Variants in TOM1 observed in about 807,000 individuals in gnomAD.
TOM1 encodes target of Myb protein 1.
Under a neutral mutation model 61.3 loss-of-function variants are expected in TOM1, and 38 were observed. The ratio of observed to expected loss-of-function variants is 0.62; its 90% CI spans 0.48 to 0.81. The LOEUF is 0.81. Ranked by LOEUF, TOM1 falls within the 40% of genes least tolerant of loss-of-function variation. The pLI is 0.00. For missense variants in TOM1, 591 were observed against 659.6 expected (o/e 0.90, Z 1.14); for synonymous variants, 270 against 268.8 (o/e 1.00, Z -0.04).
chr22:35,337,012 T>C (rs922721184), intron 11 of TOM1, among the ~76,000 whole-genome samples: 4 of 148,590 alleles, frequency 2.7e-5, no homozygotes, highest in African/African-American at 1.0e-4. Context: ...GCTTGCAGAG[T>C]GCAAGCTCCA....
upstream of TOM1, chr22:35,299,302 G>A (rs1925503666): frequency 6.6e-6 from 1 of 152,298 alleles, no homozygotes; most frequent in Non-Finnish European, 1.5e-5. Flanking sequence ...GCGCTAGAGG[G>A]AATTGCGCTG....
At chr22:35,344,851 T>G (rs901864075) in intron 12 of TOM1, 1 of 152,336 alleles carries the variant, frequency 6.6e-6, no homozygotes, top group African/African-American at 2.4e-5. Context: ...ACATCCCATT[T>G]CATCCTCACA....
intron 9 of TOM1, 49 bp from the exon 10 acceptor site, chr22:35,333,355 A>G: frequency 6.4e-7 from 1 of 1,557,970 alleles, no homozygotes; most frequent in Admixed American, 1.7e-5. Flanking sequence ...GCAGAAAGGA[A>G]CGAAGCTGCA....
Position 35,347,487 on chromosome 22 carries a change from A to AGAGG in TOM1, c.*278_*279insGAGG. ...TTTGCTGAGAAGTGGAGGCCCCAGG[A>AGAGG]CAGGCTGGCTGGCTGGCTGGCTGCT... On this transcript the variant is annotated 3_prime_UTR_variant, in exon 15 of 15. Coordinates refer to ENST00000449058, the MANE Select transcript of TOM1 (RefSeq NM_005488.3). 2.9e-6 allele frequency: 1 copy of AGAGG among 340,938 alleles called. No individual in the cohort carries two copies. Among genetic ancestry groups the AGAGG allele is most frequent in the Non-Finnish European group, 5.3e-6 (1 of 187,870 alleles). The allele number at this position is 340,938 out of a possible 1,614,324, so 21.1% of individuals were successfully genotyped here.
rs115762946 is a variant in TOM1 at position 35,340,116 on chromosome 22, T to A, written c.1224+1328T>A. 4.0e-3 allele frequency among the ~76,000 whole-genome samples: 612 copies of A among 152,260 alleles called. 4 individuals are homozygous for A. Among genetic ancestry groups the A allele is most frequent in the African/African-American group, 0.014 (579 of 41,548 alleles). ...GTATCTGGATGCTTTTCAGGCAGTGTGAGAATTTCTGCTCCAGCAAGTGAG... is the reference window on the plus strand; with the variant it reads ...GTATCTGGATGCTTTTCAGGCAGTGAGAGAATTTCTGCTCCAGCAAGTGAG... On this transcript the variant is annotated intron_variant, in intron 12 of 14. Transcript: ENST00000449058.
At chr22:35,316,895 C>A (rs1281549275) in intron 1 of TOM1, among the ~76,000 whole-genome samples, 1 of 152,130 alleles carries the variant, frequency 6.6e-6, no homozygotes, top group Admixed American at 6.6e-5. Context: ...TTGCATGAAT[C>A]ATCACCTCTC....
intron 1 of TOM1, among the ~76,000 whole-genome samples, chr22:35,309,019 AG>A (rs1209157196): frequency 2.6e-5 from 4 of 152,182 alleles, no homozygotes; most frequent in African/African-American, 9.7e-5. Flanking sequence ...ATAGTTTTCA[AG>A]ACAAGTTTCT....
At chr22:35,310,234 A>T (rs1426179402) in intron 1 of TOM1, among the ~76,000 whole-genome samples, 1 of 151,944 alleles carries the variant, frequency 6.6e-6, no homozygotes, top group Admixed American at 6.5e-5. Flanking sequence ...ATGTTGGAGG[A>T]CAGATTAAGG....
intron 1 of TOM1, among the ~76,000 whole-genome samples, chr22:35,303,996 G>T (rs1926088611): frequency 6.6e-6 from 1 of 152,180 alleles, no homozygotes; most frequent in African/African-American, 2.4e-5. Flanking sequence ...GTAACATTTT[G>T]TGAGCAAACA....
chr22:35,322,641 A>C, intron 3 of TOM1: 1 of 201,958 alleles, frequency 5.0e-6, no homozygotes, highest in Non-Finnish European at 9.8e-6. Context: ...TGGGGAGGGA[A>C]GTTCAGTGCC....
chr22:35,311,458 G>T (rs1167694330), intron 1 of TOM1, among the ~76,000 whole-genome samples: 1 of 152,204 alleles, frequency 6.6e-6, no homozygotes, highest in Non-Finnish European at 1.5e-5. Context: ...TTCTTGTTCT[G>T]TCCTTAGCCT....
chr22:35,318,326 G>T, intron 2 of TOM1: 1 of 275,904 alleles, frequency 3.6e-6, no homozygotes. Context: ...GCGGGAGTGT[G>T]TACTAGAGAG....
intron 1 of TOM1, among the ~76,000 whole-genome samples, chr22:35,310,041 A>G (rs1414841474): frequency 6.6e-6 from 1 of 152,224 alleles, no homozygotes. Context: ...AAAATTTCAC[A>G]TAGTCACTGA....
At chr22:35,331,320 C>A (rs1928828637) in intron 8 of TOM1, 5 of 452,322 alleles carry the variant, frequency 1.1e-5, no homozygotes, top group South Asian at 6.2e-5. Context: ...CTGTGTTGCC[C>A]AGGCTAGTCT....
chr22:35,323,234 C>T lies in TOM1; in HGVS notation c.366+57C>T, dbSNP rs1296705876. ...GGAAGAGCTGTCAGTGCAGGAGCTT[C>T]CTGCCCAGTGGAGAGTCGAGGCCAT... On this transcript the variant is annotated intron_variant, in intron 4 of 14. Transcript: ENST00000449058. The surrounding 1 kb of genome is among the most constrained non-coding windows in gnomAD (Gnocchi z 4.2). 9.4e-6 allele frequency: 15 copies of T among 1,595,496 alleles called. No homozygotes were observed. The South Asian group carries it at 1.3e-4, about 14-fold the overall frequency.
intron 8 of TOM1, among the ~76,000 whole-genome samples, chr22:35,332,697 C>G (rs765811779): frequency 2.6e-5 from 4 of 152,136 alleles, no homozygotes; most frequent in Admixed American, 1.3e-4. Context: ...CTTTGCTGTT[C>G]TAACCTATTC....
In TOM1 at chr22:35,315,380, A is replaced by G. The variant is rs139699618; in HGVS notation, c.53-2497A>G. On this transcript the variant is annotated intron_variant, in intron 1 of 14. Transcript: ENST00000449058. Reference sequence around the variant, plus strand: ...GTTCTGTAGGTTAACACTGACTGACATGACTAACCCCCGCCCCAAAACCCT... The same window carrying G: ...GTTCTGTAGGTTAACACTGACTGACGTGACTAACCCCCGCCCCAAAACCCT... 6.0e-4 allele frequency among the ~76,000 whole-genome samples: 91 copies of G among 152,264 alleles called. No individual in the cohort carries two copies. The Middle Eastern group carries it at 0.01, about 17-fold the overall frequency.
In TOM1 at chr22:35,311,430, T is replaced by C. The variant is rs545013097; in HGVS notation, c.53-6447T>C. ...GTGGGTTTGACAGCTCCACGATGTCTCAAAACAGCCAGACTCTTTCTTGTT... is the reference window on the plus strand; with the variant it reads ...GTGGGTTTGACAGCTCCACGATGTCCCAAAACAGCCAGACTCTTTCTTGTT... On this transcript the variant is annotated intron_variant, in intron 1 of 14. Transcript: ENST00000449058. Among the ~76,000 whole-genome samples, 6 of 152,340 alleles carry C rather than the reference T, an allele frequency of 3.9e-5. No individual in the cohort carries two copies. In the East Asian group the frequency reaches 1.2e-3, roughly 29 times the overall value.
At chr22:35,342,849 TAC>T (rs1417471675) in intron 12 of TOM1, among the ~76,000 whole-genome samples, 1 of 113,452 alleles carries the variant, frequency 8.8e-6, no homozygotes, top group East Asian at 2.9e-4. Context: ...ACACCACACC[TAC>T]ACACTCATGC....
Sources: allele counts gnomAD v4.1 joint callset (sites outside exome capture counted in the v4.1 genomes callset), GRCh38; gene constraint gnomAD v4.1.1; non-coding constraint Gnocchi (gnomAD v3.1); transcripts MANE v1.5; gene names NCBI Gene and HGNC (gene_info 2026-07-23, HGNC 2026-07-21).